BTBD10: variants seen among roughly 807,000 people sequenced by gnomAD.
The protein encoded by BTBD10 is BTB domain containing 10, also known as BTB/POZ domain-containing protein 10.
BTBD10 carries 21 observed loss-of-function variants against 53.2 expected under a neutral mutation model. The ratio of observed to expected loss-of-function variants is 0.39; its 90% confidence interval spans 0.28 to 0.57. The LOEUF is 0.57. Among genes scored for constraint, BTBD10 ranks in the 20% least tolerant of loss-of-function variants. BTBD10 has a pLI of 0.53. For synonymous variants in BTBD10, 149 were observed against 192.7 expected (o/e 0.77, Z 1.88); for missense variants, 360 against 594.7 (o/e 0.61, Z 4.10).
chr11:13,454,932 C>G (rs545262168), intron 1 of BTBD10, among the ~76,000 whole-genome samples: 1 of 151,986 alleles, frequency 6.6e-6, no homozygotes, highest in South Asian at 2.1e-4. Context: ...TATTTAGAGA[C>G]GGAGCTTTGC....
At chr11:13,446,868 A>C (rs753772) in intron 1 of BTBD10, among the ~76,000 whole-genome samples, 23,983 of 152,142 alleles carry the variant, frequency 0.16, 2,078 homozygotes, top group Admixed American at 0.24. Flanking sequence ...CTTTATGACT[A>C]GTTATCTGTA....
intron 8 of BTBD10, among the ~76,000 whole-genome samples, chr11:13,390,258 A>G (rs1350391817): frequency 6.6e-6 from 1 of 152,234 alleles, no homozygotes; most frequent in Admixed American, 6.5e-5. Context: ...CTTGTAGGCC[A>G]CATGGTTTCT....
intron 4 of BTBD10, 84 bp from the exon 5 acceptor site, chr11:13,417,344 G>T: frequency 9.8e-6 from 9 of 921,838 alleles, no homozygotes; most frequent in South Asian, 4.5e-5. Context: ...AAAGAAAAAA[G>T]GAATTATATC....
intron 2 of BTBD10, among the ~76,000 whole-genome samples, chr11:13,435,066 T>C (rs1950522442): frequency 6.6e-6 from 1 of 152,240 alleles, no homozygotes; most frequent in Non-Finnish European, 1.5e-5. Context: ...CTGTGTATAC[T>C]TATGGATACA....
chr11:13,413,702 C>T (rs1950019945), intron 5 of BTBD10, 52 bp from the exon 6 acceptor site: 3 of 1,509,282 alleles, frequency 2.0e-6, no homozygotes, highest in Non-Finnish European at 2.7e-6. Flanking sequence ...ATAAGGTAGC[C>T]AAAACTTATT....
intron 8 of BTBD10, among the ~76,000 whole-genome samples, chr11:13,401,486 A>G (rs576035929): frequency 6.6e-6 from 1 of 152,318 alleles, no homozygotes; most frequent in Admixed American, 6.5e-5. Flanking sequence ...TTAGCAAATT[A>G]TTCTAACGAA....
intron 7 of BTBD10, 157 bp downstream of exon 7, chr11:13,405,502 T>C: frequency 1.4e-6 from 1 of 724,926 alleles, no homozygotes. Flanking sequence ...CACTGTAGCA[T>C]GAAAGCAGCC....
intron 2 of BTBD10, 134 bp downstream of exon 2, chr11:13,444,890 A>G (rs984803422): frequency 1.6e-5 from 8 of 515,818 alleles, no homozygotes; most frequent in African/African-American, 1.5e-4. Flanking sequence ...CTATGGAGAC[A>G]GATAAACATT....
At chr11:13,392,043 T>G (rs1440349201) in intron 8 of BTBD10, among the ~76,000 whole-genome samples, 3 of 152,224 alleles carry the variant, frequency 2.0e-5, no homozygotes, top group African/African-American at 7.2e-5. Flanking sequence ...CAACAGTTAA[T>G]GGTTTAGCAG....
intron 1 of BTBD10, among the ~76,000 whole-genome samples, chr11:13,446,528 ATAAG>A (rs1388981170): frequency 6.6e-6 from 1 of 152,160 alleles, no homozygotes; most frequent in East Asian, 1.9e-4. Context: ...AAATACATAA[ATAAG>A]TAGGTAGATC....
intron 6 of BTBD10, among the ~76,000 whole-genome samples, chr11:13,412,789 C>T (rs979881527): frequency 2.6e-5 from 4 of 152,338 alleles, no homozygotes; most frequent in Middle Eastern, 3.4e-3. Flanking sequence ...CTGAACTTCT[C>T]CAACCACTTA....
In BTBD10 at chr11:13,463,117, T is replaced by C. The variant is rs1281854432; in HGVS notation, c.-83A>G. 1 of 152,314 alleles carries C rather than the reference T, an allele frequency of 6.6e-6. No homozygotes were observed. Among genetic ancestry groups the C allele is most frequent in the Non-Finnish European group, 1.5e-5 (1 of 68,262 alleles). 9.4% of individuals were successfully genotyped at this position (152,314 alleles called of 1,614,324 possible). A position where few individuals can be genotyped will look rare whatever the true frequency, so the allele number is the denominator to read the frequency against. ...TCTCGAACCTGTAGTCCCCCTTCAGTGCCCACACAAGATTGGGGCAAAGGC... is the reference window on the plus strand; with the variant it reads ...TCTCGAACCTGTAGTCCCCCTTCAGCGCCCACACAAGATTGGGGCAAAGGC... On this transcript the variant is annotated 5_prime_UTR_variant, in exon 1 of 9. Coordinates refer to ENST00000278174, the MANE Select transcript of BTBD10 (RefSeq NM_032320.7).
intron 5 of BTBD10, among the ~76,000 whole-genome samples, chr11:13,414,441 G>A (rs1346098444): frequency 6.6e-6 from 1 of 152,114 alleles, no homozygotes; most frequent in Non-Finnish European, 1.5e-5. Flanking sequence ...ATCACCTGAG[G>A]TCAGAAGTTC....
intron 2 of BTBD10, among the ~76,000 whole-genome samples, chr11:13,427,658 G>C (rs1679267592): frequency 6.6e-6 from 1 of 152,034 alleles, no homozygotes; most frequent in African/African-American, 2.4e-5. Flanking sequence ...CACCCAAAAA[G>C]GGCAGAAAAC....
chr11:13,413,238 A>T (rs1449853309), intron 6 of BTBD10, among the ~76,000 whole-genome samples: 1 of 152,220 alleles, frequency 6.6e-6, no homozygotes, highest in Non-Finnish European at 1.5e-5. Context: ...CCAAGGATCC[A>T]AATCTAGGAG....
At chr11:13,408,935 G>A (rs55666811) in intron 6 of BTBD10, among the ~76,000 whole-genome samples, 4,202 of 152,226 alleles carry the variant, frequency 0.028, 145 homozygotes, top group South Asian at 0.083. Context: ...TTATAGCACT[G>A]AACAACTCTA....
intron 1 of BTBD10, among the ~76,000 whole-genome samples, chr11:13,446,444 A>G (rs1950750527): frequency 6.6e-6 from 1 of 152,210 alleles, no homozygotes. Context: ...CAATTTTACT[A>G]TAATTTTTTT....
intron 2 of BTBD10, among the ~76,000 whole-genome samples, chr11:13,433,760 T>G (rs935627258): frequency 2.0e-5 from 3 of 152,074 alleles, no homozygotes; most frequent in African/African-American, 7.3e-5. Flanking sequence ...GTGGCCCACA[T>G]AGCCAAAAAT....
rs181492158 is a variant in BTBD10, at chr11:13,428,548, A to G, written c.102-6710T>C. Among the ~76,000 whole-genome samples the G allele has an allele frequency of 1.1e-4, 17 of 152,280 alleles. No homozygotes were observed. The East Asian group carries it at 3.3e-3, about 29-fold the overall frequency. On this transcript the variant is annotated intron_variant, in intron 2 of 8. Transcript: ENST00000278174. Reference sequence around the variant, plus strand: ...GAGCAATAAAGAAATCAAAAAGGAAATTAGAAAATTTTGAACTAAAAGAAA... The same window carrying G: ...GAGCAATAAAGAAATCAAAAAGGAAGTTAGAAAATTTTGAACTAAAAGAAA...
Sources: allele counts gnomAD v4.1 joint callset (sites outside exome capture counted in the v4.1 genomes callset), GRCh38; gene constraint gnomAD v4.1.1; transcripts MANE v1.5; gene names NCBI Gene and HGNC (gene_info 2026-07-23, HGNC 2026-07-21).